IQSEC1: variants seen among roughly 807,000 people sequenced by gnomAD.
The protein encoded by IQSEC1 is IQ motif and SEC7 domain-containing protein 1.
IQSEC1 carries 31 observed loss-of-function variants against 91.0 expected under a neutral mutation model. The observed-to-expected ratio is 0.34, with a 90% CI of 0.26 to 0.46. The LOEUF is 0.46. Among genes scored for constraint, IQSEC1 ranks in the 20% least tolerant of loss-of-function variants. The pLI is 1.00. For missense variants in IQSEC1, 1,388 were observed against 1,575.6 expected (o/e 0.88, Z 2.02); for synonymous variants, 699 against 662.6 (o/e 1.05, Z -0.84).
At chr3:13,170,634 C>T (rs11922582) in intron 1 of IQSEC1, among the ~76,000 whole-genome samples, 106,126 of 152,188 alleles carry the variant, frequency 0.7, 38,471 homozygotes, top group African/African-American at 0.91. Flanking sequence ...CCAAGAGGGC[C>T]GCTCTAGTCC....
At chr3:13,061,517 C>G (rs1705067674) in intron 1 of IQSEC1, among the ~76,000 whole-genome samples, 3 of 151,846 alleles carry the variant, frequency 2.0e-5, no homozygotes, top group South Asian at 4.1e-4. Context: ...ATCAGGGGTC[C>G]CAGGACTTAC....
intron 1 of IQSEC1, among the ~76,000 whole-genome samples, chr3:12,952,769 G>A (rs1403286072): frequency 3.9e-5 from 6 of 152,204 alleles, no homozygotes; most frequent in African/African-American, 9.6e-5. Flanking sequence ...CTTCCCCCAG[G>A]CTGCCTGGCT....
At chr3:12,945,707 C>A (rs1374283793) in intron 1 of IQSEC1, among the ~76,000 whole-genome samples, 1 of 152,192 alleles carries the variant, frequency 6.6e-6, no homozygotes, top group African/African-American at 2.4e-5. Flanking sequence ...GAGGACATCA[C>A]CTCTTGATGG....
chr3:13,056,395 T>C (rs1704881733), intron 1 of IQSEC1, among the ~76,000 whole-genome samples: 3 of 151,936 alleles, frequency 2.0e-5, no homozygotes, highest in Non-Finnish European at 4.4e-5. Flanking sequence ...ACCTGGCCTT[T>C]CTGGGGGGTC....
chr3:13,189,990 GAAGCTGCCC>G (rs2125031519), intron 1 of IQSEC1, among the ~76,000 whole-genome samples: 2 of 152,304 alleles, frequency 1.3e-5, no homozygotes, highest in East Asian at 3.9e-4. Context: ...AGCCAGCTCT[GAAGCTGCCC>G]AAGCAGCTCA....
chr3:13,152,131 G>A (rs773578758), intron 2 of IQSEC1, among the ~76,000 whole-genome samples: 2 of 152,216 alleles, frequency 1.3e-5, no homozygotes, highest in Non-Finnish European at 2.9e-5. Context: ...TCAGAGTGGA[G>A]AGGATGCAGG....
chr3:13,208,629 C>T (rs1437712622), intron 1 of IQSEC1, among the ~76,000 whole-genome samples: 1 of 152,232 alleles, frequency 6.6e-6, no homozygotes, highest in Admixed American at 6.5e-5. Context: ...TGGCCTGACC[C>T]ATAGCCAGGT....
At chr3:12,953,882 T>G (rs1699728495) in intron 1 of IQSEC1, among the ~76,000 whole-genome samples, 2 of 152,194 alleles carry the variant, frequency 1.3e-5, no homozygotes, top group Non-Finnish European at 2.9e-5. Context: ...GGCCGCCCCT[T>G]CACAGCATCA....
rs1382975412 is a variant in IQSEC1 at position 12,902,406 on chromosome 3, CG to C, written c.2805+366del. 4.0e-5 allele frequency among the ~76,000 whole-genome samples: 6 copies of C among 151,240 alleles called. No homozygotes were observed. The East Asian group carries it at 9.9e-4, about 25-fold the overall frequency. ...GAGGGTGAGTGGGAGCCGGGTGGCC[CG>C]GGCGGGGGTGCCGGAAGCTGGGGAT... On this transcript the variant is annotated intron_variant, in intron 13 of 13. Transcript: ENST00000613206.
intron 1 of IQSEC1, among the ~76,000 whole-genome samples, chr3:13,273,522 T>C (rs1576318923): frequency 6.6e-6 from 1 of 152,222 alleles, no homozygotes; most frequent in East Asian, 1.9e-4. Context: ...TCCACTCCTC[T>C]CTCTCCTTCC....
chr3:13,028,673 A>G (rs1168765082), intron 1 of IQSEC1, among the ~76,000 whole-genome samples: 1 of 152,210 alleles, frequency 6.6e-6, no homozygotes, highest in African/African-American at 2.4e-5. Flanking sequence ...GTCCCTTCTG[A>G]GGGTTCTGAC....
intron 2 of IQSEC1, among the ~76,000 whole-genome samples, chr3:13,104,662 C>G (rs1010829801): frequency 1.3e-4 from 20 of 152,274 alleles, no homozygotes; most frequent in African/African-American, 3.9e-4. Context: ...GGCCCTGGCT[C>G]CGGACTCAGC....
chr3:13,111,339 T>C (rs1044046567), intron 2 of IQSEC1, among the ~76,000 whole-genome samples: 1 of 152,148 alleles, frequency 6.6e-6, no homozygotes, highest in African/African-American at 2.4e-5. Context: ...TCGTGGGTGG[T>C]GAGGGGCTGC....
intron 1 of IQSEC1, chr3:13,042,266 C>T (rs1037953941): frequency 6.6e-6 from 1 of 152,296 alleles, no homozygotes; most frequent in Non-Finnish European, 1.5e-5. Flanking sequence ...GGCCAAGGCT[C>T]TCCCCAGAGG....
intron 2 of IQSEC1, among the ~76,000 whole-genome samples, chr3:13,091,922 G>A (rs1471174860): frequency 6.6e-6 from 1 of 152,000 alleles, no homozygotes. Flanking sequence ...GGGCAGCTTG[G>A]GTGGGGTCGG....
At chr3:13,195,648 G>A (rs1042317104) in intron 1 of IQSEC1, among the ~76,000 whole-genome samples, 2 of 152,208 alleles carry the variant, frequency 1.3e-5, no homozygotes, top group African/African-American at 4.8e-5. Flanking sequence ...TGATTCCACA[G>A]AGACAACATT....
chr3:13,069,592 C>T (rs901401564), intron 1 of IQSEC1, among the ~76,000 whole-genome samples: 12 of 152,156 alleles, frequency 7.9e-5, no homozygotes, highest in Non-Finnish European at 1.5e-4. Context: ...AGAGAGGGGT[C>T]GGGACAGTTC....
intron 8 of IQSEC1, 63 bp from the exon 9 acceptor site, chr3:12,913,616 G>T: frequency 6.5e-7 from 1 of 1,537,008 alleles, no homozygotes; most frequent in Non-Finnish European, 8.8e-7. Context: ...CCTGGGGGCC[G>T]CAGTGGAGAA....
At chr3:13,276,901 C>T (rs1210354168) in intron 1 of IQSEC1, among the ~76,000 whole-genome samples, 2 of 152,034 alleles carry the variant, frequency 1.3e-5, no homozygotes, top group Non-Finnish European at 2.9e-5. Flanking sequence ...CACTGGAGGC[C>T]GCTGAACTCG....
Sources: allele counts gnomAD v4.1 joint callset (sites outside exome capture counted in the v4.1 genomes callset), GRCh38; gene constraint gnomAD v4.1.1; transcripts MANE v1.5; gene names NCBI Gene and HGNC (gene_info 2026-07-23, HGNC 2026-07-21).